The following NOX4 variants were observed in gnomAD, a reference collection of about 807,000 sequenced individuals.
The protein encoded by NOX4 is kidney oxidase-1.
A neutral mutation model predicts 87.6 loss-of-function variants in NOX4; 69 were observed. That is an observed-to-expected ratio of 0.79 (90% CI 0.65 to 0.96). The LOEUF (loss-of-function observed/expected upper bound fraction) is 0.96. Among genes scored for constraint, NOX4 ranks in the 40% least tolerant of loss-of-function variants. The pLI, the probability that NOX4 is intolerant of heterozygous loss-of-function variation, is 0.00. For synonymous variants in NOX4, 275 were observed against 238.2 expected, an observed-to-expected ratio of 1.15 and a Z score of -1.42; for missense variants, 680 against 681.5, an observed-to-expected ratio of 1.00 and a Z score of 0.02.
chr11:89,409,511 A>G (rs1942363976), intron 8 of NOX4, among the ~76,000 whole-genome samples: 1 of 152,190 alleles, frequency 6.6e-6, no homozygotes, highest in African/African-American at 2.4e-5. Flanking sequence ...CATACAAGCT[A>G]TAGAAATGTA....
intron 12 of NOX4, among the ~76,000 whole-genome samples, chr11:89,355,916 C>G (rs535974964): frequency 6.6e-6 from 1 of 151,968 alleles, no homozygotes; most frequent in Non-Finnish European, 1.5e-5. Flanking sequence ...TGCTCATTGA[C>G]ATGAGAGAAT....
At chr11:89,571,584 C>T in the NOX4 span, among the ~76,000 whole-genome samples, 1 of 151,952 alleles carries the variant, frequency 6.6e-6, no homozygotes, top group Non-Finnish European at 1.5e-5. Flanking sequence ...CGTGAGCTAC[C>T]GCACCCAGGC....
chr11:89,424,747 A>T (rs1446613862), intron 7 of NOX4, among the ~76,000 whole-genome samples: 1 of 152,078 alleles, frequency 6.6e-6, no homozygotes, highest in Non-Finnish European at 1.5e-5. Flanking sequence ...ATTTTAACAG[A>T]TTGACCCATA....
rs766615074 is a variant in NOX4, at chr11:89,377,037, G to A, written c.1075-3545C>T. 8.7e-4 allele frequency among the ~76,000 whole-genome samples: 133 copies of A among 152,236 alleles called. 1 individual carries two copies. Among genetic ancestry groups the A allele is most frequent in the Admixed American group, 1.0e-3 (16 of 15,276 alleles). ...CGCACCACTGCAGTCCAGCCTGGGC[G>A]ACACAGTGAGATTCTGTCTCAAAAT... On this transcript the variant is annotated intron_variant, in intron 11 of 17. Coordinates refer to ENST00000263317, the MANE Select transcript of NOX4 (RefSeq NM_016931.5).
chr11:89,468,298 G>A (rs935831622), intron 2 of NOX4, among the ~76,000 whole-genome samples: 5 of 152,178 alleles, frequency 3.3e-5, no homozygotes, highest in African/African-American at 1.2e-4. Context: ...GAAGATAAAA[G>A]TGGTATAATT....
chr11:89,457,812 CACA>C (rs1239377208), intron 2 of NOX4, among the ~76,000 whole-genome samples: 6 of 152,060 alleles, frequency 3.9e-5, no homozygotes, highest in African/African-American at 1.2e-4. Context: ...TCACAATATC[CACA>C]ACAATAATAA....
In NOX4 at chr11:89,340,146, T is replaced by C. The variant is rs762433467; in HGVS notation, c.1363A>G (p.Arg455Gly). 4 of 1,597,320 alleles carry C rather than the reference T, an allele frequency of 2.5e-6. No homozygotes were observed. In the African/African-American group the frequency reaches 4.1e-5, roughly 16 times the overall value. Residue 455 changes from arginine (R) to glycine (G), a missense_variant, in exon 15 of 18, where the codon AGA (arginine) becomes GGA (glycine). Coordinates refer to ENST00000263317, the MANE Select transcript of NOX4 (RefSeq NM_016931.5). ...LLDDWKPYKL[R>G]RLYFIWVCRD... ...CATACCCAAATAAAGTATAGTCTTC[T>C]AAGCTTGTATGGTTTCCAGTCATCC...
intron 12 of NOX4, among the ~76,000 whole-genome samples, chr11:89,369,380 C>CA (rs199977301): frequency 2.0e-5 from 3 of 151,642 alleles, no homozygotes; most frequent in Admixed American, 6.6e-5. Flanking sequence ...AAAACATCTC[C>CA]AAAAAAAATG....
At chr11:89,349,265 C>T (rs1004498614) in intron 13 of NOX4, among the ~76,000 whole-genome samples, 1 of 151,614 alleles carries the variant, frequency 6.6e-6, no homozygotes, top group East Asian at 1.9e-4. Context: ...CCAGCCTAGG[C>T]AACAGAGCGA....
chr11:89,354,902 A>T, intron 13 of NOX4, 60 bp downstream of exon 13: 2 of 1,082,482 alleles, frequency 1.8e-6, no homozygotes, highest in Non-Finnish European at 2.7e-6. Flanking sequence ...TGCCTGCCCA[A>T]ATCTCTCCCA....
intron 11 of NOX4, among the ~76,000 whole-genome samples, chr11:89,387,783 A>G (rs573902513): frequency 1.0e-3 from 152 of 152,310 alleles, no homozygotes; most frequent in Middle Eastern, 3.4e-3. Flanking sequence ...TTTTCCAATC[A>G]TCTCTAATTT....
At chr11:89,514,581 A>G in the NOX4 span, among the ~76,000 whole-genome samples, 1 of 152,002 alleles carries the variant, frequency 6.6e-6, no homozygotes, top group African/African-American at 2.4e-5. Context: ...TCCTGATCAT[A>G]GGGGAAGAGC....
At chr11:89,493,725 T>TTAC (rs1368347300), upstream of NOX4, among the ~76,000 whole-genome samples, 1 of 60,064 alleles carries the variant, frequency 1.7e-5, no homozygotes, top group Non-Finnish European at 2.7e-5. Flanking sequence ...GATTGTTTTA[T>TTAC]TATTATTATT....
intron 12 of NOX4, among the ~76,000 whole-genome samples, chr11:89,370,159 C>T (rs1939333771): frequency 6.6e-6 from 1 of 151,878 alleles, no homozygotes. Flanking sequence ...ATATATGGCC[C>T]TGTCTTCTCA....
intron 11 of NOX4, among the ~76,000 whole-genome samples, chr11:89,380,524 C>T (rs1940202614): frequency 6.6e-6 from 1 of 152,112 alleles, no homozygotes; most frequent in South Asian, 2.1e-4. Context: ...AGGAAAGAAA[C>T]TTTCATTGAT....
chr11:89,459,517 C>T (rs148173507), intron 2 of NOX4, among the ~76,000 whole-genome samples: 9,966 of 151,954 alleles, frequency 0.066, 463 homozygotes, highest in Non-Finnish European at 0.1. Flanking sequence ...ACACCAATAA[C>T]GACAAACAGA....
At chr11:89,575,070 C>T in the NOX4 span, among the ~76,000 whole-genome samples, 2 of 152,090 alleles carry the variant, frequency 1.3e-5, no homozygotes, top group Non-Finnish European at 2.9e-5. Flanking sequence ...GTAATCCCCA[C>T]TACTCTGGAG....
intron 2 of NOX4, among the ~76,000 whole-genome samples, chr11:89,474,911 C>T (rs1946099953): frequency 6.6e-6 from 1 of 151,638 alleles, no homozygotes; most frequent in Non-Finnish European, 1.5e-5. Flanking sequence ...ATAACATGTC[C>T]AAAGGACATA....
chr11:89,497,394 T>C (rs560365404), intron 1 of NOX4, among the ~76,000 whole-genome samples: 2 of 123,072 alleles, frequency 1.6e-5, no homozygotes, highest in East Asian at 4.7e-4. Flanking sequence ...GGAAATATGA[T>C]TGGACTTCTA....
Sources: gnomAD v4.1 joint callset for allele counts (sites outside exome capture counted in the v4.1 genomes callset) on GRCh38, gnomAD v4.1.1 for gene constraint, MANE v1.5 for transcripts, NCBI Gene and HGNC (gene_info 2026-07-23, HGNC 2026-07-21) for gene names.